Variants in FARSB observed in about 807,000 individuals in gnomAD.
The protein encoded by FARSB is phenylalanyl-tRNA synthetase subunit beta.
Under a neutral mutation model 69.6 loss-of-function variants are expected in FARSB, and 40 were observed. The observed-to-expected ratio is 0.57, with a 90% confidence interval of 0.45 to 0.75. The LOEUF (loss-of-function observed/expected upper bound fraction) is 0.75, where lower values mean the gene tolerates loss of function less well. FARSB is among the 30% of genes least tolerant of loss of function. The pLI, the probability that FARSB is intolerant of heterozygous loss-of-function variation, is 0.00. For synonymous variants in FARSB, 235 were observed against 247.2 expected (o/e 0.95, Z 0.46); for missense variants, 632 against 722.9 (o/e 0.87, Z 1.44).
At chr2:222,595,186 C>A (rs907417598) in intron 16 of FARSB, among the ~76,000 whole-genome samples, 19 of 152,302 alleles carry the variant, frequency 1.2e-4, no homozygotes, top group Admixed American at 1.1e-3. Context: ...TAAATGTGGG[C>A]ATGCTAGAAA....
chr2:222,642,022 A>G (rs1314960936), intron 3 of FARSB, among the ~76,000 whole-genome samples: 1 of 148,076 alleles, frequency 6.8e-6, no homozygotes. Context: ...TTTTTTTGAA[A>G]CAGAGTCTCC....
At chr2:222,642,603 A>G (rs1691750797) in intron 3 of FARSB, among the ~76,000 whole-genome samples, 1 of 152,262 alleles carries the variant, frequency 6.6e-6, no homozygotes, top group African/African-American at 2.4e-5. Context: ...AAGACGCCAT[A>G]AAAGCATTAA....
At chr2:222,650,271 C>A (rs1288341566) in intron 1 of FARSB, among the ~76,000 whole-genome samples, 3 of 152,160 alleles carry the variant, frequency 2.0e-5, no homozygotes, top group Non-Finnish European at 4.4e-5. Context: ...TAACAATTTG[C>A]CCTCTTTCTT....
intron 16 of FARSB, among the ~76,000 whole-genome samples, chr2:222,579,037 C>T (rs1689904813): frequency 6.6e-6 from 1 of 152,118 alleles, no homozygotes; most frequent in Non-Finnish European, 1.5e-5. Flanking sequence ...CATGGCACCT[C>T]GCCTTCTATT....
rs781735774 is a variant in FARSB, at chr2:222,624,699, GT to G, written c.962+14del. 7.0e-6 allele frequency: 11 copies of G among 1,569,654 alleles called. No individual in the cohort carries two copies. The highest frequency in any genetic ancestry group is 1.7e-4 in the Middle Eastern group (1 of 5,944). ...GTACTTTGTTCTTGAATTAAGTGAA[GT>G]TTTCAGAGCATACCTGATTCCAACT... On this transcript the variant is annotated intron_variant, in intron 11 of 16. Coordinates refer to ENST00000281828, the MANE Select transcript of FARSB (RefSeq NM_005687.5).
At position 222,643,430 on chromosome 2, in the gene FARSB, C is replaced by A. The variant is rs139790923; in HGVS notation, c.115-425G>T. Among the ~76,000 whole-genome samples the A allele has an allele frequency of 1.0e-3, 152 of 152,238 alleles. 1 individual carries two copies. Among genetic ancestry groups the A allele is most frequent in the African/African-American group, 3.5e-3 (146 of 41,548 alleles). On this transcript the variant is annotated intron_variant, in intron 2 of 16. Transcript: ENST00000281828. ...TAACAGAGACTATAGAGCCAAAAAG[C>A]CTAAATATTTACTATCTGGCCCTTT... is the stretch of plus-strand genomic sequence containing the variant.
rs544865359 is a variant in FARSB, at chr2:222,637,853, C to T, written c.455+1727G>A. 4.6e-5 allele frequency among the ~76,000 whole-genome samples: 7 copies of T among 152,140 alleles called. No homozygotes were observed. In the South Asian group the frequency reaches 1.5e-3, roughly 32 times the overall value. ...TAAAAATTAGCCAGGTGTGGTGACT[C>T]ATGCTTGTAGTCCCAGCTACTTAGG... On this transcript the variant is annotated intron_variant, in intron 5 of 16. Coordinates refer to ENST00000281828, the MANE Select transcript of FARSB (RefSeq NM_005687.5).
chr2:222,597,942 G>A (rs1690463647), intron 16 of FARSB, among the ~76,000 whole-genome samples: 1 of 152,110 alleles, frequency 6.6e-6, no homozygotes, highest in South Asian at 2.1e-4. Context: ...CCTTTCCCTA[G>A]CATTCAAGAC....
At chr2:222,616,095 G>A (rs908461249) in intron 14 of FARSB, among the ~76,000 whole-genome samples, 1 of 152,062 alleles carries the variant, frequency 6.6e-6, no homozygotes, top group East Asian at 1.9e-4. Flanking sequence ...GGAAATTTAG[G>A]GGGCCATTGG....
chr2:222,566,984 G>A lies in FARSB; in HGVS notation c.*4887C>T, dbSNP rs955296815. The A allele has an allele frequency of 6.6e-6, 1 of 152,222 alleles. No individual in the cohort carries two copies. Among genetic ancestry groups the A allele is most frequent in the Non-Finnish European group, 1.5e-5 (1 of 68,042 alleles). The allele number at this position is 152,222 out of a possible 1,614,324, so 9.4% of individuals were successfully genotyped here. A position where few individuals can be genotyped will look rare whatever the true frequency, so the allele number is the denominator to read the frequency against. ...GTGCCAGCAAAATAGGTTTCATTCT[G>A]ATCCCTCTCCTAGCTTGCTGGTGGC... is the stretch of plus-strand genomic sequence containing the variant. On this transcript the variant is annotated 3_prime_UTR_variant, in exon 17 of 17. Transcript: ENST00000281828.
At chr2:222,653,908 C>T (rs1226737395) in intron 1 of FARSB, among the ~76,000 whole-genome samples, 1 of 151,942 alleles carries the variant, frequency 6.6e-6, no homozygotes, top group African/African-American at 2.4e-5. Context: ...AAGCATCAGC[C>T]ATGTACCTGG....
intron 16 of FARSB, among the ~76,000 whole-genome samples, chr2:222,585,808 T>G (rs1402549057): frequency 6.6e-6 from 1 of 152,028 alleles, no homozygotes; most frequent in Non-Finnish European, 1.5e-5. Context: ...AAGAGAAGTT[T>G]AGAGAAAAAA....
chr2:222,574,198 G>C (rs1280676434), intron 16 of FARSB, among the ~76,000 whole-genome samples: 1 of 151,754 alleles, frequency 6.6e-6, no homozygotes, highest in Non-Finnish European at 1.5e-5. Context: ...TTCTTCTTCA[G>C]TTGCCAGATC....
chr2:222,655,394 T>C (rs889243398), intron 1 of FARSB, among the ~76,000 whole-genome samples: 1 of 152,280 alleles, frequency 6.6e-6, no homozygotes, highest in East Asian at 1.9e-4. Context: ...CTATCTAAAG[T>C]TGTTCTTGGC....
rs1210185745 is a variant in FARSB, at chr2:222,570,974, A to T, written c.*897T>A. ...TGGAGAATTCTAGATTGAAGTAAGA[A>T]AGGAAATTAGGATATAAAACAAGGA... is the stretch of plus-strand genomic sequence containing the variant. On this transcript the variant is annotated 3_prime_UTR_variant, in exon 17 of 17. Coordinates refer to ENST00000281828, the MANE Select transcript of FARSB (RefSeq NM_005687.5). 1.3e-5 allele frequency: 2 copies of T among 152,188 alleles called. No individual in the cohort carries two copies. The highest frequency in any genetic ancestry group is 1.3e-4 in the Admixed American group (2 of 15,284). The allele number at this position is 152,188 out of a possible 1,614,324, so 9.4% of individuals were successfully genotyped here. A position where few individuals can be genotyped will look rare whatever the true frequency, so the allele number is the denominator to read the frequency against.
intron 16 of FARSB, among the ~76,000 whole-genome samples, chr2:222,582,630 A>G (rs1689998448): frequency 6.6e-6 from 1 of 152,324 alleles, no homozygotes; most frequent in East Asian, 1.9e-4. Flanking sequence ...TGAGCAAACA[A>G]GCAATAATGT....
chr2:222,639,435 A>C (rs1263804378), intron 5 of FARSB, 145 bp downstream of exon 5: 4 of 461,880 alleles, frequency 8.7e-6, no homozygotes, highest in Non-Finnish European at 1.6e-5. Context: ...ATTTGTAAAA[A>C]ATCTGCAGAG....
intron 7 of FARSB, 141 bp from the exon 8 acceptor site, chr2:222,631,815 C>T (rs1574944574): frequency 4.9e-6 from 3 of 611,108 alleles, no homozygotes; most frequent in Non-Finnish European, 8.7e-6. Flanking sequence ...TGGTGGCTCA[C>T]ACCCACCAGC....
chr2:222,607,146 T>C (rs1286561969), intron 15 of FARSB, among the ~76,000 whole-genome samples: 1 of 152,222 alleles, frequency 6.6e-6, no homozygotes, highest in Non-Finnish European at 1.5e-5. Flanking sequence ...TGTGAAGACA[T>C]AATGCCTCCA....
Sources: allele counts gnomAD v4.1 joint callset (sites outside exome capture counted in the v4.1 genomes callset), GRCh38; gene constraint gnomAD v4.1.1; transcripts MANE v1.5; gene names NCBI Gene and HGNC (gene_info 2026-07-23, HGNC 2026-07-21).